Variants in TSHR observed in about 807,000 individuals in gnomAD.
The protein encoded by TSHR is thyroid stimulating hormone receptor.
TSHR carries 51 observed loss-of-function variants against 64.1 expected under a neutral mutation model. The observed-to-expected ratio is 0.80, with a 90% CI of 0.64 to 1.01. The LOEUF is 1.01. Ranked by LOEUF, TSHR falls within the 50% of genes least tolerant of loss-of-function variation. TSHR has a pLI of 0.00. For missense variants in TSHR, 877 were observed against 942.8 expected (o/e 0.93, Z 0.91); for synonymous variants, 361 against 361.9 (o/e 1.00, Z 0.03).
At chr14:81,024,777 AG>A (rs1883961662) in intron 1 of TSHR, among the ~76,000 whole-genome samples, 1 of 152,204 alleles carries the variant, frequency 6.6e-6, no homozygotes, top group Admixed American at 6.5e-5. Flanking sequence ...AACATCAAGC[AG>A]TTCAACTTTT....
At chr14:80,966,851 G>T (rs1887322479) in intron 1 of TSHR, among the ~76,000 whole-genome samples, 1 of 152,162 alleles carries the variant, frequency 6.6e-6, no homozygotes, top group Admixed American at 6.5e-5. Flanking sequence ...TGTGAGGGCT[G>T]CTTCCTGGTT....
intron 1 of TSHR, among the ~76,000 whole-genome samples, chr14:81,046,324 T>C (rs992915091): frequency 2.6e-5 from 4 of 151,736 alleles, no homozygotes; most frequent in African/African-American, 9.7e-5. Flanking sequence ...GAATGCATAA[T>C]CATAGTGAGA....
chr14:81,014,934 T>A (rs888952413), intron 1 of TSHR, among the ~76,000 whole-genome samples: 1 of 152,216 alleles, frequency 6.6e-6, no homozygotes, highest in Non-Finnish European at 1.5e-5. Flanking sequence ...GAATGTTCCT[T>A]AAAAATAAAC....
chr14:81,057,860 A>G (rs1885936700), intron 1 of TSHR, among the ~76,000 whole-genome samples: 2 of 152,226 alleles, frequency 1.3e-5, no homozygotes, highest in African/African-American at 4.8e-5. Context: ...CAATTCAGAC[A>G]TGGTCATGAG....
rs142683425 is a variant in TSHR, at chr14:81,045,639, T to C, written c.171-16509T>C. Among the ~76,000 whole-genome samples, 670 of 152,226 alleles carry C rather than the reference T, an allele frequency of 4.4e-3. 9 individuals are homozygous for C. The highest frequency in any genetic ancestry group is 0.016 in the African/African-American group (646 of 41,540). ...GCTCCCACTTGGTTTTTTTTCATCA[T>C]CACTGCTGTTTCAATGAAAACATAA... is the stretch of plus-strand genomic sequence containing the variant. On this transcript the variant is annotated intron_variant, in intron 1 of 9. Coordinates refer to ENST00000298171, the MANE Select transcript of TSHR (RefSeq NM_000369.5).
In TSHR at chr14:81,004,661, G is replaced by T. The variant is rs185754911; in HGVS notation, c.170+48811G>T. ...TGGGCCCAGTTTATGTCCCTCTCCA[G>T]TTACTCTGTTTCCTGGTCACAATGG... On this transcript the variant is annotated intron_variant, in intron 1 of 9. Transcript: ENST00000298171. Among the ~76,000 whole-genome samples, 6 of 152,236 alleles carry T rather than the reference G, an allele frequency of 3.9e-5. No individual in the cohort carries two copies. The East Asian group carries it at 1.2e-3, about 29-fold the overall frequency.
At chr14:81,033,031 C>A in intron 1 of TSHR, 2 of 356,592 alleles carry the variant, frequency 5.6e-6, no homozygotes, top group South Asian at 6.2e-5. Context: ...CTTTGGTGTT[C>A]CCAATTTCTG....
Position 81,096,761 on chromosome 14 carries a change from C to T in TSHR, c.614+54C>T, listed in dbSNP as rs1458361801. On this transcript the variant is annotated intron_variant, in intron 7 of 9. Transcript: ENST00000298171. The stretch of plus-strand genomic sequence containing the variant: ...CACTTTCCCTTACCCTAAGAACCAT[C>T]CAATGGGGCAGAATGCTGTTGAGAG... 55 of 1,565,642 alleles carry T rather than the reference C, an allele frequency of 3.5e-5. 1 individual carries two copies. Among genetic ancestry groups the T allele is most frequent in the Non-Finnish European group, 4.6e-5 (52 of 1,137,766 alleles).
At chr14:81,086,981 C>T (rs939662241) in intron 3 of TSHR, among the ~76,000 whole-genome samples, 4 of 152,334 alleles carry the variant, frequency 2.6e-5, no homozygotes, top group Non-Finnish European at 1.5e-5. Flanking sequence ...CAGAAATGTT[C>T]TAACCTGTGA....
At chr14:81,136,716 T>C (rs1305664699) in intron 8 of TSHR, among the ~76,000 whole-genome samples, 1 of 152,196 alleles carries the variant, frequency 6.6e-6, no homozygotes, top group African/African-American at 2.4e-5. Context: ...ATTGAGCACC[T>C]ACCATATGCC....
intron 8 of TSHR, among the ~76,000 whole-genome samples, chr14:81,139,462 C>T (rs1891589044): frequency 6.6e-6 from 1 of 152,188 alleles, no homozygotes; most frequent in Non-Finnish European, 1.5e-5. Flanking sequence ...AGCATTTGTA[C>T]TACTGGATAC....
At chr14:81,139,947 T>G in intron 9 of TSHR, 80 bp downstream of exon 9, 2 of 1,554,398 alleles carry the variant, frequency 1.3e-6, no homozygotes, top group Non-Finnish European at 1.8e-6. Flanking sequence ...GGGAAGATGC[T>G]TCCTGGTTTG....
intron 3 of TSHR, among the ~76,000 whole-genome samples, chr14:81,083,256 G>GA (rs1017877403): frequency 1.3e-5 from 2 of 151,804 alleles, no homozygotes; most frequent in Non-Finnish European, 2.9e-5. Context: ...CTTAGGGGAA[G>GA]AAAAAAAACC....
intron 3 of TSHR, among the ~76,000 whole-genome samples, chr14:81,069,494 G>T (rs1257152144): frequency 6.6e-6 from 1 of 152,176 alleles, no homozygotes; most frequent in African/African-American, 2.4e-5. Context: ...AGAACTCAAT[G>T]GGCAATAAGC....
intron 2 of TSHR, among the ~76,000 whole-genome samples, chr14:81,067,483 T>TTTTATATA (rs1555376189): frequency 8.9e-5 from 12 of 134,970 alleles, no homozygotes; most frequent in African/African-American, 2.9e-4. Flanking sequence ...GTTTATAGTT[T>TTTTATATA]TATATATATA....
intron 1 of TSHR, chr14:81,053,458 C>G (rs1885551305): frequency 6.6e-6 from 1 of 152,194 alleles, no homozygotes; most frequent in African/African-American, 2.4e-5. Flanking sequence ...ACATTTTTAA[C>G]TTAGCTGTGC....
chr14:81,020,733 G>T (rs1883701561), intron 1 of TSHR, among the ~76,000 whole-genome samples: 1 of 152,224 alleles, frequency 6.6e-6, no homozygotes, highest in Non-Finnish European at 1.5e-5. Flanking sequence ...ATAGTGGCAA[G>T]TGAGTTGATG....
At chr14:81,086,277 T>C (rs112576623) in intron 3 of TSHR, among the ~76,000 whole-genome samples, 1 of 152,302 alleles carries the variant, frequency 6.6e-6, no homozygotes, top group East Asian at 1.9e-4. Context: ...TAAGGGTATA[T>C]TATTATAGAC....
At chr14:81,114,565 T>A (rs538159468) in intron 8 of TSHR, among the ~76,000 whole-genome samples, 4 of 151,714 alleles carry the variant, frequency 2.6e-5, no homozygotes, top group Admixed American at 2.6e-4. Context: ...AGCACAGCAG[T>A]CTGAGATCAA....
Sources: gnomAD v4.1 joint callset for allele counts (sites outside exome capture counted in the v4.1 genomes callset) on GRCh38, gnomAD v4.1.1 for gene constraint, MANE v1.5 for transcripts, NCBI Gene and HGNC (gene_info 2026-07-23, HGNC 2026-07-21) for gene names.